Variants in UNC79 observed in about 807,000 individuals in gnomAD.
UNC79 encodes the protein unc-79 subunit of NALCN channel complex.
In UNC79, 37 loss-of-function variants were observed where a neutral mutation model predicts 283.1. The ratio of observed to expected loss-of-function variants is 0.13; its 90% CI spans 0.10 to 0.17. The LOEUF is 0.17. Among genes scored for constraint, UNC79 ranks in the 10% least tolerant of loss-of-function variants. The probability of loss-of-function intolerance (pLI) is 1.00; values close to 1 mark genes in which losing one functional copy is unlikely to be tolerated. For missense variants in UNC79, 2,272 were observed against 3,211.1 expected (o/e 0.71, Z 7.07); for synonymous variants, 1,107 against 1,200.2 (o/e 0.92, Z 1.61).
intron 7 of UNC79, among the ~76,000 whole-genome samples, chr14:93,497,708 C>G (rs2140620883): frequency 6.6e-6 from 1 of 152,322 alleles, no homozygotes; most frequent in Non-Finnish European, 1.5e-5. Context: ...ATGACCCAGA[C>G]TGGGCACAGT....
At chr14:93,533,666 G>A (rs1387878091) in intron 11 of UNC79, among the ~76,000 whole-genome samples, 9 of 152,146 alleles carry the variant, frequency 5.9e-5, no homozygotes, top group Admixed American at 5.9e-4. Flanking sequence ...ACTCACTCAA[G>A]GCCTCTCAGA....
At chr14:93,541,937 G>A (rs897849726) in intron 13 of UNC79, among the ~76,000 whole-genome samples, 43 of 150,208 alleles carry the variant, frequency 2.9e-4, no homozygotes, top group Non-Finnish European at 8.9e-5. Context: ...CCCGGGAGGC[G>A]GAGCTTGCAG....
At chr14:93,623,567 A>G (rs2067301318) in intron 30 of UNC79, among the ~76,000 whole-genome samples, 1 of 152,088 alleles carries the variant, frequency 6.6e-6, no homozygotes, top group African/African-American at 2.4e-5. Context: ...ACTGATCAAA[A>G]CCCATCTTCA....
chr14:93,430,869 G>A lies in UNC79; in HGVS notation c.-161G>A. 1.9e-6 allele frequency: 1 copy of A among 525,248 alleles called. No homozygotes were observed. Among genetic ancestry groups the A allele is most frequent in the South Asian group, 2.1e-5 (1 of 47,064 alleles). 32.5% of individuals were successfully genotyped at this position (525,248 alleles called of 1,614,324 possible). On this transcript the variant is annotated 5_prime_UTR_variant, in exon 1 of 49. Coordinates refer to ENST00000555664, the Ensembl canonical transcript of UNC79. The surrounding 1 kb of genome is among the most constrained non-coding windows in gnomAD (Gnocchi z 4.6). ...GGGACCGAATTCTGCAATTTGATGT[G>A]CGTTTTGTCCGAATGGTAGCGACAC...
At chr14:93,333,441 G>A in exon 1 of UNC79, 1 of 398,594 alleles carries the variant, frequency 2.5e-6, no homozygotes, top group Non-Finnish European at 4.4e-6. Flanking sequence ...CATCTTTCTC[G>A]AGAACAACTC....
chr14:93,685,588 C>T (rs999411632), intron 42 of UNC79, among the ~76,000 whole-genome samples: 9 of 152,142 alleles, frequency 5.9e-5, no homozygotes, highest in Admixed American at 2.0e-4. Flanking sequence ...TTCAGTACCG[C>T]GCAGATTTAC....
intron 38 of UNC79, among the ~76,000 whole-genome samples, chr14:93,658,638 A>G (rs1273391513): frequency 6.6e-6 from 1 of 152,212 alleles, no homozygotes; most frequent in African/African-American, 2.4e-5. Flanking sequence ...TGTCTTGTAG[A>G]AATTTTACTG....
chr14:93,646,529 C>A, intron 34 of UNC79, 79 bp from the exon 38 acceptor site: 1 of 1,423,390 alleles, frequency 7.0e-7, no homozygotes, highest in Non-Finnish European at 9.8e-7. Context: ...GGAAACACAA[C>A]AGGTCCTCCC....
chr14:93,622,187 A>G, exon 30 of UNC79: 6 of 1,614,168 alleles, frequency 3.7e-6, no homozygotes, highest in Non-Finnish European at 5.1e-6. Context: ...AGAGGAGACG[A>G]TGAACCAAGG....
chr14:93,359,882 C>G (rs1788596546), intron 1 of UNC79, among the ~76,000 whole-genome samples: 1 of 152,178 alleles, frequency 6.6e-6, no homozygotes, highest in Non-Finnish European at 1.5e-5. Flanking sequence ...TCCCATCCTT[C>G]CCCACGGAGA....
chr14:93,667,461 CA>C (rs11336952), intron 40 of UNC79, among the ~76,000 whole-genome samples: 90,483 of 151,802 alleles, frequency 0.6, 27,788 homozygotes, highest in Admixed American at 0.67. Context: ...ACAGTAGGTA[CA>C]ATTTTCTAGA....
Position 93,662,785 on chromosome 14 carries a change from G to A in UNC79, c.6636+71G>A, listed in dbSNP as rs1025049940. 6.5e-6 allele frequency: 8 copies of A among 1,225,672 alleles called. No individual in the cohort carries two copies. The African/African-American group carries it at 1.1e-4, about 16-fold the overall frequency. 75.9% of individuals were successfully genotyped at this position (1,225,672 alleles called of 1,614,324 possible). A position where few individuals can be genotyped will look rare whatever the true frequency, so the allele number is the denominator to read the frequency against. ...CAGAAATATATTCTTTTGAATCAGTGTCAAGTCCCTTTTAGCTCAGTTGCT... is the reference window on the plus strand; with the variant it reads ...CAGAAATATATTCTTTTGAATCAGTATCAAGTCCCTTTTAGCTCAGTTGCT... On this transcript the variant is annotated intron_variant, in intron 40 of 48. Coordinates refer to ENST00000555664, the Ensembl canonical transcript of UNC79.
intron 7 of UNC79, among the ~76,000 whole-genome samples, chr14:93,502,147 C>T (rs2059322898): frequency 6.6e-6 from 1 of 152,174 alleles, no homozygotes; most frequent in African/African-American, 2.4e-5. Flanking sequence ...GGCATGGTGG[C>T]TTATGCCTGT....
intron 4 of UNC79, among the ~76,000 whole-genome samples, chr14:93,481,434 T>C (rs1379758414): frequency 1.3e-5 from 2 of 152,142 alleles, no homozygotes; most frequent in East Asian, 1.9e-4. Context: ...TGATTCCAAG[T>C]GAACATTGAC....
intron 3 of UNC79, among the ~76,000 whole-genome samples, chr14:93,475,671 C>G (rs971652836): frequency 6.6e-6 from 1 of 152,170 alleles, no homozygotes; most frequent in Non-Finnish European, 1.5e-5. Context: ...CAGTGCGTCT[C>G]CTTCGTGACT....
rs534428899 is a variant in UNC79 at position 93,352,472 on chromosome 14, T to A, written c.-351+18949T>A. Among the ~76,000 whole-genome samples, 8 of 152,346 alleles carry A rather than the reference T, an allele frequency of 5.3e-5. No homozygotes were observed. In the East Asian group the frequency reaches 1.5e-3, roughly 29 times the overall value. ...GTTTGACACTCAAGTTATTGAGTAC[T>A]CTCATGCAATAATACTGTATGTTGG... On this transcript the variant is annotated intron_variant, in intron 1 of 49. Transcript: ENST00000256339.
chr14:93,658,590 T>G (rs1406789272), intron 38 of UNC79, among the ~76,000 whole-genome samples: 1 of 152,220 alleles, frequency 6.6e-6, no homozygotes, highest in Non-Finnish European at 1.5e-5. Flanking sequence ...TGGAATCTTG[T>G]CAATATAGAA....
exon 25 of UNC79, chr14:93,600,613 A>G: frequency 6.2e-7 from 1 of 1,613,676 alleles, no homozygotes; most frequent in African/African-American, 1.3e-5. Context: ...CTGTGGTTAA[A>G]GACAGACCCA....
Position 93,538,225 on chromosome 14 carries a change from C to T in UNC79, c.1352+7C>T, listed in dbSNP as rs374852237. On this transcript the variant is annotated splice_region_variant and intron_variant, in intron 12 of 48. Coordinates refer to ENST00000555664, the Ensembl canonical transcript of UNC79. ...CCGTGGAAGCCGTGATCAGGTAACA[C>T]GCAGTTTCTTAGTAGCTGCCTCTGA... The T allele has an allele frequency of 2.1e-5, 33 of 1,564,364 alleles. No homozygotes were observed. Among genetic ancestry groups the T allele is most frequent in the African/African-American group, 5.4e-5 (4 of 73,650 alleles).
Sources: allele counts gnomAD v4.1 joint callset (sites outside exome capture counted in the v4.1 genomes callset), GRCh38; gene constraint gnomAD v4.1.1; non-coding constraint Gnocchi (gnomAD v3.1); transcripts MANE v1.5; gene names NCBI Gene and HGNC (gene_info 2026-07-23, HGNC 2026-07-21).